The following TRMT11 variants were observed in gnomAD, a reference collection of about 807,000 sequenced individuals.
TRMT11 encodes tRNA methyltransferase 11, also known as tRNA (guanine(10)-N(2))-methyltransferase TRMT11.
TRMT11 carries 53 observed loss-of-function variants against 62.8 expected under a neutral mutation model. The ratio of observed to expected loss-of-function variants is 0.84; its 90% confidence interval spans 0.68 to 1.06. The LOEUF (loss-of-function observed/expected upper bound fraction) is 1.06. Among genes scored for constraint, TRMT11 ranks in the 50% least tolerant of loss-of-function variants. TRMT11 has a pLI of 0.00. For synonymous variants in TRMT11, 188 were observed against 190.3 expected (o/e 0.99, Z 0.10); for missense variants, 556 against 553.4 (o/e 1.00, Z -0.05).
intron 21 of TRMT11, among the ~76,000 whole-genome samples, chr6:126,147,631 C>A (rs991635923): frequency 1.3e-5 from 2 of 152,096 alleles, no homozygotes; most frequent in Non-Finnish European, 2.9e-5. Context: ...CCCTGCGGTA[C>A]CTTACCTCAT....
At chr6:126,221,504 G>T in the TRMT11 span, among the ~76,000 whole-genome samples, 1 of 152,156 alleles carries the variant, frequency 6.6e-6, no homozygotes, top group Non-Finnish European at 1.5e-5. Flanking sequence ...TGGACCTAAT[G>T]ATTAGTAACA....
intron 17 of TRMT11, among the ~76,000 whole-genome samples, chr6:126,109,161 A>G (rs1777498430): frequency 6.6e-6 from 1 of 152,150 alleles, no homozygotes; most frequent in East Asian, 1.9e-4. Context: ...CCACATTATA[A>G]TTATTGCAAT....
intron 12 of TRMT11, among the ~76,000 whole-genome samples, chr6:126,032,342 T>C (rs185885022): frequency 2.6e-5 from 4 of 152,284 alleles, no homozygotes; most frequent in African/African-American, 7.2e-5. Flanking sequence ...ACATAACCTT[T>C]ATGTCAGCCT....
intron 7 of TRMT11, among the ~76,000 whole-genome samples, chr6:126,003,008 T>A (rs2128782404): frequency 6.6e-6 from 1 of 152,236 alleles, no homozygotes; most frequent in South Asian, 2.1e-4. Flanking sequence ...TTTATTCTGT[T>A]TTAGTTTTGC....
At chr6:126,124,749 G>T (rs954601287) in intron 21 of TRMT11, among the ~76,000 whole-genome samples, 1 of 152,084 alleles carries the variant, frequency 6.6e-6, no homozygotes, top group Non-Finnish European at 1.5e-5. Context: ...GTTCCAGCAT[G>T]TGAGCATGCG....
chr6:126,114,544 T>C (rs1317270034), intron 18 of TRMT11, among the ~76,000 whole-genome samples: 1 of 152,054 alleles, frequency 6.6e-6, no homozygotes, highest in African/African-American at 2.4e-5. Context: ...TGTATGTTAC[T>C]CCTAGAGGCT....
the TRMT11 span, among the ~76,000 whole-genome samples, chr6:126,263,102 A>G: frequency 2.6e-5 from 4 of 151,614 alleles, no homozygotes; most frequent in Non-Finnish European, 4.4e-5. Flanking sequence ...GTATCATTTT[A>G]TTGGGGTCTC....
chr6:126,216,093 T>C, the TRMT11 span, among the ~76,000 whole-genome samples: 1 of 152,160 alleles, frequency 6.6e-6, no homozygotes, highest in Non-Finnish European at 1.5e-5. Context: ...TTTGTACCTT[T>C]AGGTAATTTA....
intron 21 of TRMT11, among the ~76,000 whole-genome samples, chr6:126,148,368 G>A (rs112312275): frequency 3.2e-4 from 49 of 152,324 alleles, no homozygotes; most frequent in African/African-American, 1.1e-3. Context: ...GGCAGTTTAT[G>A]TGATTTATTT....
chr6:126,037,925 G>C (rs1487711674), intron 12 of TRMT11, among the ~76,000 whole-genome samples: 1 of 151,944 alleles, frequency 6.6e-6, no homozygotes, highest in African/African-American at 2.4e-5. Flanking sequence ...CATTAATCCA[G>C]GTGTAATTGA....
intron 17 of TRMT11, among the ~76,000 whole-genome samples, chr6:126,093,555 G>A (rs1777298090): frequency 8.3e-6 from 1 of 120,224 alleles, no homozygotes; most frequent in Admixed American, 9.5e-5. Context: ...GTCTTATTTG[G>A]TACTCTAGTG....
intron 17 of TRMT11, among the ~76,000 whole-genome samples, chr6:126,080,284 G>GT (rs1294746285): frequency 1.3e-5 from 2 of 151,494 alleles, no homozygotes; most frequent in Non-Finnish European, 2.9e-5. Flanking sequence ...TTGTCTTAAT[G>GT]TTTTTTGGTA....
At chr6:126,104,563 G>C (rs1445449372) in intron 17 of TRMT11, among the ~76,000 whole-genome samples, 1 of 152,208 alleles carries the variant, frequency 6.6e-6, no homozygotes, top group Admixed American at 6.5e-5. Context: ...TCATTTGGCT[G>C]CACCTGTGGA....
rs939898069 is a variant in TRMT11 at position 126,021,292 on chromosome 6, C to T, written c.1260+12C>T. 5.0e-6 allele frequency: 8 copies of T among 1,612,454 alleles called. No individual in the cohort carries two copies. In the African/African-American group the frequency reaches 1.1e-4, roughly 22 times the overall value. The stretch of plus-strand genomic sequence containing the variant: ...TGAAGAAATTTGAGGTAAATTGCTT[C>T]AGTATTTTTGGGATAAATTCTGAAA... On this transcript the variant is annotated intron_variant, in intron 12 of 12. Coordinates refer to ENST00000334379, the MANE Select transcript of TRMT11 (RefSeq NM_001031712.3).
chr6:126,093,631 A>ATATATATATATATTTTTTTTTTTT (rs1554236842), intron 17 of TRMT11, among the ~76,000 whole-genome samples: 3 of 98,016 alleles, frequency 3.1e-5, no homozygotes, highest in Admixed American at 1.2e-4. Flanking sequence ...ATATATATAT[A>ATATATATATATATTTTTTTTTTTT]TTTTCCCCCA....
At chr6:126,271,744 A>G in the TRMT11 span, among the ~76,000 whole-genome samples, 1 of 152,220 alleles carries the variant, frequency 6.6e-6, no homozygotes, top group African/African-American at 2.4e-5. Flanking sequence ...CCCGTTGTCA[A>G]TTATGACTAT....
intron 3 of TRMT11, among the ~76,000 whole-genome samples, chr6:125,996,839 A>G (rs1791599628): frequency 6.6e-6 from 1 of 152,180 alleles, no homozygotes; most frequent in African/African-American, 2.4e-5. Context: ...ATATCATCAT[A>G]TGTAATTGTT....
intron 17 of TRMT11, among the ~76,000 whole-genome samples, chr6:126,101,257 A>G (rs1777396681): frequency 6.6e-6 from 1 of 152,218 alleles, no homozygotes. Context: ...AGTTCCCAGA[A>G]AAGACGTGCT....
Position 126,188,905 on chromosome 6 carries a change from A to T in TRMT11, n.144-9894A>T, listed in dbSNP as rs541408890. On this transcript the variant is annotated intron_variant and non_coding_transcript_variant, in intron 1 of 3. Coordinates refer to the TRMT11 transcript ENST00000444229. ...GGAAATGCATTAAATACATATAGCT[A>T]TTATATTCAAATCAGCCAGCTGTTC... 4.6e-5 allele frequency among the ~76,000 whole-genome samples: 7 copies of T among 152,286 alleles called. No individual in the cohort carries two copies. The East Asian group carries it at 1.2e-3, about 25-fold the overall frequency.
Sources: allele counts gnomAD v4.1 joint callset (sites outside exome capture counted in the v4.1 genomes callset), GRCh38; gene constraint gnomAD v4.1.1; transcripts MANE v1.5; gene names NCBI Gene and HGNC (gene_info 2026-07-23, HGNC 2026-07-21).